Variants in DDX4 observed in about 807,000 individuals in gnomAD.
The protein encoded by DDX4 is probable ATP-dependent RNA helicase DDX4.
Under a neutral mutation model 100.0 loss-of-function variants are expected in DDX4, and 25 were observed. That is an observed-to-expected ratio of 0.25 (90% CI 0.18 to 0.35). The LOEUF is 0.35. DDX4 is among the 10% of genes least tolerant of loss of function. The pLI is 1.00. For missense variants in DDX4, 635 were observed against 882.4 expected, an observed-to-expected ratio of 0.72 and a Z score of 3.55; for synonymous variants, 259 against 275.7, an observed-to-expected ratio of 0.94 and a Z score of 0.60.
chr5:55,759,513 T>C (rs187198261), intron 3 of DDX4, among the ~76,000 whole-genome samples: 1 of 152,326 alleles, frequency 6.6e-6, no homozygotes, highest in East Asian at 1.9e-4. Context: ...GAATTTGCAT[T>C]ATGGCCCTTC....
rs115745469 is a variant in DDX4 at position 55,741,294 on chromosome 5, A to G, written c.69+2262A>G. On this transcript the variant is annotated intron_variant, in intron 2 of 21. Transcript: ENST00000505374. ...ATAACATAGTTTCTTCACATTGGGA[A>G]TACTAAATTGAATATGTTGACCAGT... is the stretch of plus-strand genomic sequence containing the variant. Among the ~76,000 whole-genome samples the G allele has an allele frequency of 1.7e-3, 254 of 152,330 alleles. 1 individual carries two copies. The highest frequency in any genetic ancestry group is 5.8e-3 in the African/African-American group (240 of 41,576).
intron 3 of DDX4, among the ~76,000 whole-genome samples, chr5:55,759,060 A>AT (rs1037501278): frequency 2.8e-4 from 42 of 148,592 alleles, no homozygotes; most frequent in African/African-American, 7.1e-4. Flanking sequence ...AGCTACTTAA[A>AT]TTTTTTTTTT....
intron 18 of DDX4, among the ~76,000 whole-genome samples, chr5:55,802,489 T>A (rs1306856994): frequency 6.6e-6 from 1 of 152,208 alleles, no homozygotes; most frequent in African/African-American, 2.4e-5. Context: ...GTAATTCTTA[T>A]TTCATTGTAT....
chr5:55,809,463 C>T (rs961380806), intron 18 of DDX4, among the ~76,000 whole-genome samples: 6 of 152,140 alleles, frequency 3.9e-5, no homozygotes, highest in African/African-American at 7.2e-5. Context: ...GGCTCCACCC[C>T]TGATTAAGCT....
chr5:55,769,839 T>G (rs953849762), intron 7 of DDX4, among the ~76,000 whole-genome samples: 2 of 150,920 alleles, frequency 1.3e-5, no homozygotes, highest in African/African-American at 4.9e-5. Context: ...TGGAACAGAA[T>G]AGAGAGCACA....
chr5:55,798,012 T>C (rs140325100), intron 17 of DDX4, among the ~76,000 whole-genome samples: 46 of 152,328 alleles, frequency 3.0e-4, no homozygotes, highest in Non-Finnish European at 5.4e-4. Context: ...CAACTAATAA[T>C]AGCATAAATA....
intron 7 of DDX4, among the ~76,000 whole-genome samples, chr5:55,777,909 G>A (rs1327306689): frequency 1.3e-5 from 2 of 152,086 alleles, no homozygotes; most frequent in Admixed American, 6.6e-5. Flanking sequence ...AAGGAAAATA[G>A]ACATAAGGAA....
At chr5:55,765,409 A>ATATATATATATAT (rs1416478232) in intron 6 of DDX4, among the ~76,000 whole-genome samples, 65 of 104,696 alleles carry the variant, frequency 6.2e-4, no homozygotes, top group East Asian at 2.6e-3. Context: ...AAAAAAAAAA[A>ATATATATATATAT]AAAAATATAT....
rs1234768284 is a variant in DDX4, at chr5:55,816,491, TTTC to T, written c.2133_2135del (p.Ser712del). 6.2e-6 allele frequency: 10 copies of T among 1,612,832 alleles called. No homozygotes were observed. The highest frequency in any genetic ancestry group is 8.5e-6 in the Non-Finnish European group (10 of 1,179,392). ...AAGAGCACTTTGAACACAGCTGGGTTTTCTTCTTCACAAGCTCCCAATCCAGTA... is the reference window on the plus strand; with the variant it reads ...AAGAGCACTTTGAACACAGCTGGGTTTTCTTCACAAGCTCCCAATCCAGTA... On this transcript the variant is annotated inframe_deletion, in exon 22 of 22. Coordinates refer to ENST00000505374, the MANE Select transcript of DDX4 (RefSeq NM_024415.3).
chr5:55,764,390 G>A (rs1322315588), intron 6 of DDX4, among the ~76,000 whole-genome samples: 2 of 152,166 alleles, frequency 1.3e-5, no homozygotes, highest in African/African-American at 2.4e-5. Context: ...AGTTTGTGAT[G>A]TATAGGGTCA....
At chr5:55,794,967 T>TA (rs1742833153) in intron 17 of DDX4, among the ~76,000 whole-genome samples, 1 of 151,682 alleles carries the variant, frequency 6.6e-6, no homozygotes, top group South Asian at 2.1e-4. Flanking sequence ...CCAGACCTTT[T>TA]TTTTTTTTTT....
rs1740878761 is a variant in DDX4, at chr5:55,765,772, AT to A, written c.334+1711del. On this transcript the variant is annotated intron_variant, in intron 6 of 21. Coordinates refer to ENST00000505374, the MANE Select transcript of DDX4 (RefSeq NM_024415.3). ...AGACTAAAGTTAATACATGTGATACATTTAGAACACGGCCAGGTACATACTT... is the reference window on the plus strand; with the variant it reads ...AGACTAAAGTTAATACATGTGATACATTAGAACACGGCCAGGTACATACTT... Among the ~76,000 whole-genome samples the A allele has an allele frequency of 2.0e-5, 3 of 152,104 alleles. No homozygotes were observed. In the South Asian group the frequency reaches 6.2e-4, roughly 31 times the overall value.
intron 10 of DDX4, among the ~76,000 whole-genome samples, chr5:55,784,293 C>A (rs1742111095): frequency 6.6e-6 from 1 of 152,056 alleles, no homozygotes; most frequent in Admixed American, 6.5e-5. Flanking sequence ...AGAAGGGTGT[C>A]CCAGCTCCAG....
intron 18 of DDX4, among the ~76,000 whole-genome samples, chr5:55,812,771 C>T (rs1244814397): frequency 6.6e-6 from 1 of 152,060 alleles, no homozygotes; most frequent in Non-Finnish European, 1.5e-5. Context: ...AAGTAATCAT[C>T]TCTGGACCCT....
At position 55,816,743 on chromosome 5, in the gene DDX4, G is replaced by A; in HGVS notation, c.*203G>A. The A allele has an allele frequency of 1.2e-6, 1 of 813,330 alleles. No individual in the cohort carries two copies. The highest frequency in any genetic ancestry group is 1.8e-6 in the Non-Finnish European group (1 of 563,572). 50.4% of individuals were successfully genotyped at this position (813,330 alleles called of 1,614,324 possible). ...AACATTGCAGTTACTGATACAAATGGTGTTAACTGGGAATATTAAAGCATT... is the reference window on the plus strand; with the variant it reads ...AACATTGCAGTTACTGATACAAATGATGTTAACTGGGAATATTAAAGCATT... On this transcript the variant is annotated 3_prime_UTR_variant, in exon 22 of 22. Transcript: ENST00000505374.
chr5:55,802,293 T>C (rs1287402613), intron 18 of DDX4, among the ~76,000 whole-genome samples: 1 of 152,228 alleles, frequency 6.6e-6, no homozygotes, highest in African/African-American at 2.4e-5. Flanking sequence ...AGATCAGATA[T>C]GATTTTAGAA....
intron 10 of DDX4, 40 bp from the exon 11 acceptor site, chr5:55,785,257 T>C (rs749590619): frequency 7.1e-7 from 1 of 1,409,566 alleles, no homozygotes. Flanking sequence ...TGCACAGCCT[T>C]ACATCTTGAC....
intron 2 of DDX4, among the ~76,000 whole-genome samples, chr5:55,744,921 C>T (rs1379892247): frequency 6.6e-6 from 1 of 151,808 alleles, no homozygotes; most frequent in African/African-American, 2.4e-5. Flanking sequence ...GCTCTTGTTG[C>T]CCAGGCTGGA....
intron 15 of DDX4, among the ~76,000 whole-genome samples, chr5:55,790,311 A>G (rs1269127970): frequency 6.6e-6 from 1 of 151,774 alleles, no homozygotes. Flanking sequence ...TGCCTGGCCA[A>G]TTTTTTGCAT....
Sources: gnomAD v4.1 joint callset for allele counts (sites outside exome capture counted in the v4.1 genomes callset) on GRCh38, gnomAD v4.1.1 for gene constraint, MANE v1.5 for transcripts, NCBI Gene and HGNC (gene_info 2026-07-23, HGNC 2026-07-21) for gene names.